RYR2: variants seen among roughly 807,000 people sequenced by gnomAD.
RYR2 encodes the protein ryanodine receptor 2.
A neutral mutation model predicts 601.1 loss-of-function variants in RYR2; 227 were observed. The ratio of observed to expected loss-of-function variants is 0.38; its 90% CI spans 0.34 to 0.42. The LOEUF is 0.42. RYR2 is among the 10% of genes least tolerant of loss of function. The pLI, the probability that RYR2 is intolerant of heterozygous loss-of-function variation, is 1.00. For missense variants in RYR2, 4,646 were observed against 6,156.5 expected, an observed-to-expected ratio of 0.75 and a Z score of 8.21; for synonymous variants, 2,223 against 2,175.1, an observed-to-expected ratio of 1.02 and a Z score of -0.61.
At position 237,548,475 on chromosome 1, in the gene RYR2, G is replaced by A. The variant is rs730880188; in HGVS notation, c.2951G>A (p.Ser984Asn). 24 of 1,613,856 alleles carry A rather than the reference G, an allele frequency of 1.5e-5. No homozygotes were observed. The highest frequency in any genetic ancestry group is 1.9e-5 in the Non-Finnish European group (22 of 1,179,888). The change falls in exon 26 of 105, where the codon AGC becomes AAC. Residue 984 changes from serine to asparagine, a missense_variant. Coordinates refer to ENST00000366574, the MANE Select transcript of RYR2 (RefSeq NM_001035.3). ...SGYKPAPMDL[S>N]FIKLTPSQEA... is the part of the protein sequence containing the mutation. ...TACAAGCCTGCCCCTATGGACCTGA[G>A]CTTTATCAAACTCACCCCATCACAA...
intron 6 of RYR2, among the ~76,000 whole-genome samples, chr1:237,371,591 C>T (rs1017191722): frequency 6.6e-6 from 1 of 152,112 alleles, no homozygotes; most frequent in African/African-American, 2.4e-5. Flanking sequence ...TTGATCATTC[C>T]TTTTAAAAAG....
intron 1 of RYR2, among the ~76,000 whole-genome samples, chr1:237,150,880 T>G (rs1451376878): frequency 6.6e-6 from 1 of 152,154 alleles, no homozygotes; most frequent in Non-Finnish European, 1.5e-5. Context: ...TTCCAAGTGC[T>G]CTGGAAGAAG....
intron 98 of RYR2, among the ~76,000 whole-genome samples, chr1:237,802,961 C>T (rs1660148656): frequency 6.6e-6 from 1 of 152,212 alleles, no homozygotes; most frequent in Non-Finnish European, 1.5e-5. Context: ...CTTTTATCCA[C>T]CTGCAGTTTC....
intron 28 of RYR2, among the ~76,000 whole-genome samples, chr1:237,567,980 G>T (rs1457817794): frequency 6.6e-6 from 1 of 150,388 alleles, no homozygotes; most frequent in African/African-American, 2.4e-5. Context: ...GTTGGGGGGC[G>T]GTCAAAATTA....
chr1:237,576,615 T>C (rs1451877381), intron 29 of RYR2, among the ~76,000 whole-genome samples: 1 of 151,992 alleles, frequency 6.6e-6, no homozygotes, highest in Non-Finnish European at 1.5e-5. Flanking sequence ...CAGCAAAACT[T>C]TGAAACCACT....
chr1:237,383,677 C>T (rs1489412143), intron 8 of RYR2, among the ~76,000 whole-genome samples: 4 of 152,050 alleles, frequency 2.6e-5, no homozygotes, highest in African/African-American at 9.7e-5. Flanking sequence ...GATCTGCCCG[C>T]CTTGGCCTCC....
intron 65 of RYR2, among the ~76,000 whole-genome samples, chr1:237,701,252 C>T (rs1172148618): frequency 1.3e-5 from 2 of 152,128 alleles, no homozygotes; most frequent in African/African-American, 2.4e-5. Flanking sequence ...ATGCTTAGTC[C>T]GGGTGCAGTG....
At chr1:237,091,440 G>GT (rs1307518909) in intron 1 of RYR2, among the ~76,000 whole-genome samples, 3 of 149,082 alleles carry the variant, frequency 2.0e-5, no homozygotes, top group African/African-American at 7.5e-5. Flanking sequence ...GGGGGGGCGG[G>GT]GGGGGATAGG....
chr1:237,451,349 A>G (rs561326851), intron 14 of RYR2, among the ~76,000 whole-genome samples: 102 of 152,252 alleles, frequency 6.7e-4, no homozygotes, highest in African/African-American at 2.4e-3. Flanking sequence ...AAGCCGGCAC[A>G]TCACTTGAGG....
intron 29 of RYR2, among the ~76,000 whole-genome samples, chr1:237,579,713 TTAAC>T: frequency 6.6e-6 from 1 of 152,306 alleles, no homozygotes; most frequent in African/African-American, 2.4e-5. Context: ...CAGTAATTAA[TTAAC>T]ATGTCATATG....
chr1:237,614,902 A>G lies in RYR2; in HGVS notation c.5715+59A>G. ...AATTGCTAAGCATTAAGGTATTAGA[A>G]CATGCCTTTGTTTCTTTCTCTGTGT... is the stretch of plus-strand genomic sequence containing the variant. On this transcript the variant is annotated intron_variant, in intron 37 of 104. Coordinates refer to ENST00000366574, the MANE Select transcript of RYR2 (RefSeq NM_001035.3). The surrounding 1 kb of genome is among the most constrained non-coding windows in gnomAD (Gnocchi z 4.3). 6.9e-7 allele frequency: 1 copy of G among 1,458,326 alleles called. No homozygotes were observed. The highest frequency in any genetic ancestry group is 9.2e-7 in the Non-Finnish European group (1 of 1,087,748). 90.3% of individuals were successfully genotyped at this position (1,458,326 alleles called of 1,614,324 possible). A position where few individuals can be genotyped will look rare whatever the true frequency, so the allele number is the denominator to read the frequency against.
intron 1 of RYR2, among the ~76,000 whole-genome samples, chr1:237,084,830 C>T (rs1165994191): frequency 6.6e-6 from 1 of 152,166 alleles, no homozygotes; most frequent in Admixed American, 6.5e-5. Flanking sequence ...CTAATTTCAC[C>T]CTCTGTGCCC....
chr1:237,648,379 G>A, intron 48 of RYR2, 65 bp from the exon 49 acceptor site: 1 of 1,315,186 alleles, frequency 7.6e-7, no homozygotes, highest in South Asian at 2.2e-5. Flanking sequence ...CTAGAAAGCA[G>A]CCATTTGTAA....
intron 58 of RYR2, among the ~76,000 whole-genome samples, chr1:237,672,170 C>A (rs1444164938): frequency 6.6e-6 from 1 of 152,180 alleles, no homozygotes; most frequent in East Asian, 1.9e-4. Context: ...TTTCAGATCC[C>A]TTCGCCATCT....
Position 237,650,337 on chromosome 1 carries a change from A to C in RYR2, c.7733+240A>C, listed in dbSNP as rs150218032. Among the ~76,000 whole-genome samples the C allele has an allele frequency of 6.1e-4, 93 of 152,220 alleles. No individual in the cohort carries two copies. In the East Asian group the frequency reaches 0.017, roughly 28 times the overall value. On this transcript the variant is annotated intron_variant, in intron 50 of 104. Transcript: ENST00000366574. Reference sequence around the variant, plus strand: ...CAGCTGTTGGATATAGCTTTTGACCAGTTACAGAATACTATTCTGGATGTT... The same window carrying C: ...CAGCTGTTGGATATAGCTTTTGACCCGTTACAGAATACTATTCTGGATGTT...
intron 22 of RYR2, among the ~76,000 whole-genome samples, chr1:237,505,523 T>C (rs915585813): frequency 3.9e-5 from 6 of 152,196 alleles, no homozygotes; most frequent in African/African-American, 1.4e-4. Flanking sequence ...GCAAACATTG[T>C]TCATGGCCAA....
At chr1:237,556,923 T>C (rs1313870835) in intron 27 of RYR2, among the ~76,000 whole-genome samples, 2 of 86,956 alleles carry the variant, frequency 2.3e-5, no homozygotes, top group Admixed American at 1.2e-4. Flanking sequence ...TCTCAGTGGC[T>C]AAAAATAACA....
At chr1:237,526,888 C>T (rs1268285500) in intron 24 of RYR2, among the ~76,000 whole-genome samples, 1 of 152,164 alleles carries the variant, frequency 6.6e-6, no homozygotes, top group Non-Finnish European at 1.5e-5. Flanking sequence ...ATCATAAACT[C>T]TACCTAGGCC....
intron 24 of RYR2, among the ~76,000 whole-genome samples, chr1:237,512,438 A>G (rs1666007252): frequency 6.6e-6 from 1 of 152,214 alleles, no homozygotes; most frequent in Non-Finnish European, 1.5e-5. Flanking sequence ...TTTTTTGCTG[A>G]TGGACTTTTC....
Sources: gnomAD v4.1 joint callset for allele counts (sites outside exome capture counted in the v4.1 genomes callset) on GRCh38, gnomAD v4.1.1 for gene constraint, Gnocchi (gnomAD v3.1) non-coding constraint, MANE v1.5 for transcripts, NCBI Gene and HGNC (gene_info 2026-07-23, HGNC 2026-07-21) for gene names.